The following BTBD2 variants were observed in gnomAD, a reference collection of about 807,000 sequenced individuals.
The protein encoded by BTBD2 is BTB/POZ domain-containing protein 2.
Under a neutral mutation model 44.0 loss-of-function variants are expected in BTBD2, and 15 were observed. The observed-to-expected ratio is 0.34, with a 90% CI of 0.23 to 0.53. The LOEUF is 0.53. Among genes scored for constraint, BTBD2 ranks in the 20% least tolerant of loss-of-function variants. The probability of loss-of-function intolerance (pLI) is 0.95; values close to 1 mark genes in which losing one functional copy is unlikely to be tolerated. For synonymous variants in BTBD2, 443 were observed against 335.9 expected (o/e 1.32, Z -3.49); for missense variants, 657 against 746.4 (o/e 0.88, Z 1.39).
chr19:2,002,293 C>A (rs750063964), intron 1 of BTBD2, among the ~76,000 whole-genome samples: 3 of 152,192 alleles, frequency 2.0e-5, no homozygotes, highest in Non-Finnish European at 2.9e-5. Flanking sequence ...GTTGCCCAGG[C>A]TGGTCTCAAA....
At chr19:1,990,639 A>G (rs1019264018) in intron 4 of BTBD2, 78 bp downstream of exon 4, 12 of 1,357,518 alleles carry the variant, frequency 8.8e-6, no homozygotes, top group African/African-American at 2.9e-5. Context: ...CCCAGGCCCA[A>G]AGCTCCCACT....
In BTBD2 at chr19:1,987,440, G is replaced by A. The variant is rs1272204895; in HGVS notation, c.1181+60C>T. The A allele has an allele frequency of 7.7e-5, 89 of 1,154,170 alleles. No individual in the cohort carries two copies. In the African/African-American group the frequency reaches 9.2e-4, roughly 12 times the overall value. The allele number at this position is 1,154,170 out of a possible 1,614,324, so 71.5% of individuals were successfully genotyped here. A position where few individuals can be genotyped will look rare whatever the true frequency, so the allele number is the denominator to read the frequency against. ...CCCCCATGCCCGGCCCCCCATCTCCGTCATCCCCGAGTCCTCCACCCCCAT... is the reference window on the plus strand; with the variant it reads ...CCCCCATGCCCGGCCCCCCATCTCCATCATCCCCGAGTCCTCCACCCCCAT... On this transcript the variant is annotated intron_variant, in intron 6 of 8. Coordinates refer to ENST00000255608, the MANE Select transcript of BTBD2 (RefSeq NM_017797.4).
chr19:2,010,418 A>G (rs930880102), intron 1 of BTBD2, among the ~76,000 whole-genome samples: 6 of 151,978 alleles, frequency 3.9e-5, no homozygotes, highest in African/African-American at 7.2e-5. Context: ...CCCCAGCACA[A>G]ACGCCGACCC....
At chr19:2,012,359 C>T (rs1159536280) in intron 1 of BTBD2, among the ~76,000 whole-genome samples, 3 of 151,302 alleles carry the variant, frequency 2.0e-5, no homozygotes, top group South Asian at 4.2e-4. Context: ...ACCGTGTTGA[C>T]CAGGCTGGTC....
intron 1 of BTBD2, among the ~76,000 whole-genome samples, chr19:2,007,148 G>A (rs924012121): frequency 1.1e-4 from 17 of 151,976 alleles, no homozygotes; most frequent in Admixed American, 2.6e-4. Context: ...GAGCCACTGC[G>A]CCCAGCCACT....
At chr19:2,009,698 A>C (rs986086599) in intron 1 of BTBD2, among the ~76,000 whole-genome samples, 1 of 151,240 alleles carries the variant, frequency 6.6e-6, no homozygotes, top group Admixed American at 6.6e-5. Context: ...AAAAATACAA[A>C]AATTAGCTGG....
chr19:2,008,855 G>T (rs978708779), intron 1 of BTBD2, among the ~76,000 whole-genome samples: 3 of 151,938 alleles, frequency 2.0e-5, no homozygotes, highest in Non-Finnish European at 2.9e-5. Context: ...ACAGATGTGA[G>T]CCACTGCACT....
chr19:1,998,295 G>GC (rs920627225), intron 1 of BTBD2, among the ~76,000 whole-genome samples: 23 of 152,332 alleles, frequency 1.5e-4, no homozygotes, highest in African/African-American at 5.5e-4. Flanking sequence ...TGGCCGAACA[G>GC]CCCCCACTGA....
Position 1,986,614 on chromosome 19 carries a change from G to A in BTBD2, c.1452C>T (p.Arg484=). The stretch of plus-strand genomic sequence containing the variant: ...TGGTGGGCGACTCGTGTGTCACCTT[G>A]CGCAGGCCTTTGGTGCCGTAGTGGG... The part of the protein sequence containing the change: ...PDSHYGTKGL[R]KVTHESPTTG... The change falls in exon 9 of 9, where the codon CGC becomes CGT. Residue 484 remains arginine, a synonymous_variant. Coordinates refer to ENST00000255608, the MANE Select transcript of BTBD2 (RefSeq NM_017797.4). 1 of 1,613,960 alleles carries A rather than the reference G, an allele frequency of 6.2e-7. No homozygotes were observed.
chr19:2,005,868 C>G lies in BTBD2; in HGVS notation c.408-8405G>C, dbSNP rs545928586. Among the ~76,000 whole-genome samples the G allele has an allele frequency of 2.0e-5, 3 of 151,920 alleles. 1 individual carries two copies. The highest frequency in any genetic ancestry group is 1.3e-4 in the Admixed American group (2 of 15,216). ...CTTTGGGAGGCCAAGTTGGGAGGAT[C>G]ACCTGAACCCACAAGTTCAAGACCA... On this transcript the variant is annotated intron_variant, in intron 1 of 8. Coordinates refer to ENST00000255608, the MANE Select transcript of BTBD2 (RefSeq NM_017797.4).
chr19:1,996,775 C>G (rs2016256966), intron 2 of BTBD2, among the ~76,000 whole-genome samples: 1 of 152,034 alleles, frequency 6.6e-6, no homozygotes, highest in South Asian at 2.1e-4. Flanking sequence ...ATCCCAGGTA[C>G]TCAGGAGAAT....
At chr19:1,989,816 G>T (rs2016147109) in intron 5 of BTBD2, 188 bp downstream of exon 5, 2 of 655,096 alleles carry the variant, frequency 3.1e-6, no homozygotes, top group Admixed American at 5.4e-5. Flanking sequence ...GGTGGGGACA[G>T]AGCCGGGCCG....
intron 1 of BTBD2, among the ~76,000 whole-genome samples, chr19:2,012,205 T>C (rs1166071052): frequency 6.8e-6 from 1 of 146,674 alleles, no homozygotes; most frequent in African/African-American, 2.6e-5. Flanking sequence ...TGGGCTGGAG[T>C]GCAATGGCGC....
intron 1 of BTBD2, among the ~76,000 whole-genome samples, chr19:2,002,305 C>G (rs940520691): frequency 2.0e-5 from 3 of 152,122 alleles, no homozygotes; most frequent in African/African-American, 4.8e-5. Context: ...GGTCTCAAAC[C>G]CCTGGGCTCA....
rs1289994679 is a variant in BTBD2, at chr19:2,008,156, C to T, written c.407+7141G>A. Among the ~76,000 whole-genome samples, 4 of 152,026 alleles carry T rather than the reference C, an allele frequency of 2.6e-5. No homozygotes were observed. The South Asian group carries it at 8.3e-4, about 32-fold the overall frequency. On this transcript the variant is annotated intron_variant, in intron 1 of 8. Transcript: ENST00000255608. ...AGTAGCTGGGATTACAGGCACCTGC[C>T]ACCACGCCTGGCTAATTTTGTATTT...
At chr19:1,992,991 CG>C in intron 3 of BTBD2, 28 bp downstream of exon 3, 1 of 1,498,980 alleles carries the variant, frequency 6.7e-7, no homozygotes, top group Non-Finnish European at 8.9e-7. Context: ...GGCCTGGCCC[CG>C]CCCCCGCCTC....
chr19:2,008,522 C>T (rs2016423060), intron 1 of BTBD2, among the ~76,000 whole-genome samples: 1 of 151,598 alleles, frequency 6.6e-6, no homozygotes, highest in African/African-American at 2.4e-5. Context: ...AACTCCTGAC[C>T]TCAGGTGATC....
At chr19:2,010,233 T>C (rs371650479) in intron 1 of BTBD2, among the ~76,000 whole-genome samples, 12 of 152,274 alleles carry the variant, frequency 7.9e-5, no homozygotes, top group African/African-American at 2.9e-4. Flanking sequence ...ACCCTGGAGA[T>C]CTTCAGTTCT....
intron 1 of BTBD2, among the ~76,000 whole-genome samples, chr19:1,999,870 G>A (rs996891854): frequency 1.3e-5 from 2 of 151,580 alleles, no homozygotes; most frequent in Non-Finnish European, 2.9e-5. Flanking sequence ...GCTGAGGCAG[G>A]AGAATTGCTT....
Sources: gnomAD v4.1 joint callset for allele counts (sites outside exome capture counted in the v4.1 genomes callset) on GRCh38, gnomAD v4.1.1 for gene constraint, MANE v1.5 for transcripts, NCBI Gene and HGNC (gene_info 2026-07-23, HGNC 2026-07-21) for gene names.